The following ZNF628 variants were observed in gnomAD, a reference collection of about 807,000 sequenced individuals.
The protein encoded by ZNF628 is zinc finger protein Zec.
ZNF628 carries 3 observed loss-of-function variants against 2.5 expected under a neutral mutation model. The ratio of observed to expected loss-of-function variants is 1.19; its 90% CI spans 0.54 to 3.07. The LOEUF (loss-of-function observed/expected upper bound fraction) is 3.07, where lower values mean the gene tolerates loss of function less well. Ranked by LOEUF, ZNF628 falls within the 30% of genes most tolerant of loss-of-function variation. ZNF628 has a pLI of 0.03. For missense variants in ZNF628, 1,610 were observed against 1,517.1 expected, an observed-to-expected ratio of 1.06 and a Z score of -1.02; for synonymous variants, 861 against 717.1, an observed-to-expected ratio of 1.20 and a Z score of -3.21.
chr19:55,483,099 T>G lies in ZNF628; in HGVS notation c.1906T>G (p.Tyr636Asp). The stretch of plus-strand genomic sequence containing the variant: ...CGGTCGCGGCTTCGTTATGGCCGCC[T>G]ATCTGCAGCGGCACCTGAGGACGCA... Reference protein sequence around the residue: ...ICGRGFVMAAYLQRHLRTHAP... With the variant: ...ICGRGFVMAADLQRHLRTHAP... Residue 636 changes from tyrosine to aspartate, a missense_variant, in exon 3 of 3, where the codon TAT becomes GAT. Transcript: ENST00000598519. 6.2e-7 allele frequency: 1 copy of G among 1,605,288 alleles called. No homozygotes were observed. Among genetic ancestry groups the G allele is most frequent in the Non-Finnish European group, 8.5e-7 (1 of 1,178,990 alleles).
In ZNF628 at chr19:55,481,520, CCACCGTAG is replaced by C. The variant is rs1568466681; in HGVS notation, c.329_336del (p.His110ArgfsTer169). 6.2e-7 allele frequency: 1 copy of C among 1,612,332 alleles called. No individual in the cohort carries two copies. The highest frequency in any genetic ancestry group is 1.7e-5 in the Admixed American group (1 of 59,886). On this transcript the variant is annotated frameshift_variant, in exon 3 of 3. Coordinates refer to ENST00000598519, the MANE Select transcript of ZNF628 (RefSeq NM_033113.3). LOFTEE classifies it low-confidence loss of function (END_TRUNC). The stretch of plus-strand genomic sequence containing the variant: ...TCAAGCGCTCCTCTCTGCTGCAGAT[CCACCGTAG>C]CGTGCACACCGGCCTGCGGGCCTTC...
chr19:55,483,553 C>T lies in ZNF628; in HGVS notation c.2360C>T (p.Ala787Val), dbSNP rs753354017. ...PGPGGLGVQG[A>V]ASAGASGTGQ... is the part of the protein sequence containing the mutation. ...CCTGGGGGTCTAGGGGTGCAGGGAGCGGCCAGCGCTGGGGCCAGCGGGACA... is the reference window on the plus strand; with the variant it reads ...CCTGGGGGTCTAGGGGTGCAGGGAGTGGCCAGCGCTGGGGCCAGCGGGACA... Residue 787 changes from alanine (A) to valine (V), a missense_variant, in exon 3 of 3, where the codon GCG becomes GTG. By Grantham distance (64) the Ala-to-Val change is moderately conservative. Transcript: ENST00000598519. 1 of 1,588,360 alleles carries T rather than the reference C, an allele frequency of 6.3e-7. No homozygotes were observed. The highest frequency in any genetic ancestry group is 8.6e-7 in the Non-Finnish European group (1 of 1,165,564).
intron 1 of ZNF628, among the ~76,000 whole-genome samples, chr19:55,477,963 CAG>C (rs928285868): frequency 3.9e-5 from 6 of 152,264 alleles, no homozygotes; most frequent in Admixed American, 2.6e-4. Flanking sequence ...CAGAATAAAA[CAG>C]AAAGCACACT....
chr19:55,484,402 GCA>G lies in ZNF628; in HGVS notation c.*32_*33del. The G allele has an allele frequency of 1.4e-6, 2 of 1,426,982 alleles. No individual in the cohort carries two copies. The highest frequency in any genetic ancestry group is 2.9e-5 in the African/African-American group (2 of 69,240). The allele number at this position is 1,426,982 out of a possible 1,614,324, so 88.4% of individuals were successfully genotyped here. ...GAGGCAGTGATTCCCCTCCCGCCCC[GCA>G]CAGAGACCCCGACTCACTGCCAGCC... On this transcript the variant is annotated 3_prime_UTR_variant, in exon 3 of 3. Transcript: ENST00000598519.
chr19:55,483,731 G>C lies in ZNF628; in HGVS notation c.2538G>C (p.Gln846His), dbSNP rs1423581548. 9 of 1,612,602 alleles carry C rather than the reference G, an allele frequency of 5.6e-6. No homozygotes were observed. The South Asian group carries it at 9.9e-5, about 18-fold the overall frequency. The change falls in exon 3 of 3, where the codon CAG becomes CAC. Residue 846 changes from glutamine (Q) to histidine (H), a missense_variant. By Grantham distance (24) the Gln-to-His change is conservative. Transcript: ENST00000598519. ...PAQEVTTVQL[Q>H]PAQEVTTVQL... is the part of the protein sequence containing the mutation. ...AGGAGGTGACCACAGTCCAGCTCCA[G>C]CCAGCACAGGAAGTAACCACGGTCC... is the stretch of plus-strand genomic sequence containing the variant.
chr19:55,476,788 T>C lies in ZNF628; in HGVS notation c.-97T>C, dbSNP rs988671617. The C allele has an allele frequency of 2.4e-5, 3 of 125,200 alleles. No homozygotes were observed. Among genetic ancestry groups the C allele is most frequent in the Non-Finnish European group, 4.9e-5 (3 of 60,784 alleles). The allele number at this position is 125,200 out of a possible 1,614,324, so 7.8% of individuals were successfully genotyped here. A position where few individuals can be genotyped will look rare whatever the true frequency, so the allele number is the denominator to read the frequency against. Reference sequence around the variant, plus strand: ...AAGGTCCTGGGGCTGCCACCCTCGTTCCCCCGATTGGGGCCGCAGGTGAGA... The same window carrying C: ...AAGGTCCTGGGGCTGCCACCCTCGTCCCCCCGATTGGGGCCGCAGGTGAGA... On this transcript the variant is annotated 5_prime_UTR_variant, in exon 1 of 3. Coordinates refer to ENST00000598519, the MANE Select transcript of ZNF628 (RefSeq NM_033113.3).
intron 1 of ZNF628, among the ~76,000 whole-genome samples, chr19:55,478,768 C>G (rs1986624786): frequency 6.6e-6 from 1 of 152,110 alleles, no homozygotes. Context: ...TGGATATGTT[C>G]CGCCTGGAAG....
In ZNF628 at chr19:55,481,695, C is replaced by T. The variant is rs867066950; in HGVS notation, c.502C>T (p.His168Tyr). ...CTCGTCCAGCCTGCGGCGCCACCGCCACGTGCACACCGGCGAGCGGCCCTA... is the reference window on the plus strand; with the variant it reads ...CTCGTCCAGCCTGCGGCGCCACCGCTACGTGCACACCGGCGAGCGGCCCTA... ...KNSSSLRRHR[H>Y]VHTGERPYTC... The change falls in exon 3 of 3, where the codon CAC becomes TAC. Residue 168 changes from histidine to tyrosine, a missense_variant. By Grantham distance (83) the His-to-Tyr change is moderately conservative (BLOSUM62 2). This residue lies in a region of ZNF628 where 166 missense variants were observed against 241.3 expected (regional missense o/e 0.69). Coordinates refer to ENST00000598519, the MANE Select transcript of ZNF628 (RefSeq NM_033113.3). 1 of 1,612,972 alleles carries T rather than the reference C, an allele frequency of 6.2e-7. No individual in the cohort carries two copies. Among genetic ancestry groups the T allele is most frequent in the East Asian group, 2.2e-5 (1 of 44,852 alleles).
rs1986738931 is a variant in ZNF628, at chr19:55,482,250, G to A, written c.1057G>A (p.Ala353Thr). 1.4e-6 allele frequency: 2 copies of A among 1,449,976 alleles called. No individual in the cohort carries two copies. Among genetic ancestry groups the A allele is most frequent in the South Asian group, 1.3e-5 (1 of 74,672 alleles). The allele number at this position is 1,449,976 out of a possible 1,614,324, so 89.8% of individuals were successfully genotyped here. A position where few individuals can be genotyped will look rare whatever the true frequency, so the allele number is the denominator to read the frequency against. The change falls in exon 3 of 3, where the codon GCG becomes ACG. Residue 353 changes from alanine to threonine, a missense_variant. Coordinates refer to ENST00000598519, the MANE Select transcript of ZNF628 (RefSeq NM_033113.3). ...PQPPPPAAAP[A>T]PGFACLPCGK... is the part of the protein sequence containing the mutation. ...GCCCCCTCCTCCCGCCGCCGCCCCCGCGCCTGGCTTTGCCTGTCTGCCCTG... is the reference window on the plus strand; with the variant it reads ...GCCCCCTCCTCCCGCCGCCGCCCCCACGCCTGGCTTTGCCTGTCTGCCCTG...
chr19:55,484,140 A>C lies in ZNF628; in HGVS notation c.2947A>C (p.Thr983Pro), dbSNP rs1245307784. ...CCTCATCATCCGCAGCGCCCCAGCC[A>C]CTGAGCTGCTGGACAGCAGCAACAC... ...KLLIIRSAPATELLDSSNTGG... is the reference protein window; with the variant it reads ...KLLIIRSAPAPELLDSSNTGG... Residue 983 changes from threonine to proline, a missense_variant, in exon 3 of 3, where the codon ACT becomes CCT. Around this residue, in one of 5 missense-constraint regions of ZNF628, gnomAD observed 712 missense variants for 603.6 expected, o/e 1.18. Coordinates refer to ENST00000598519, the MANE Select transcript of ZNF628 (RefSeq NM_033113.3). 6.3e-7 allele frequency: 1 copy of C among 1,586,670 alleles called. No individual in the cohort carries two copies. The highest frequency in any genetic ancestry group is 1.7e-5 in the Admixed American group (1 of 57,264).
chr19:55,482,562 GC>G lies in ZNF628; in HGVS notation c.1371del (p.Glu458SerfsTer184), dbSNP rs1199409228. On this transcript the variant is annotated frameshift_variant, in exon 3 of 3. Coordinates refer to ENST00000598519, the MANE Select transcript of ZNF628 (RefSeq NM_033113.3). LOFTEE classifies it low-confidence loss of function (END_TRUNC). ...TTCTGCGGAGCGGCCCTACAAATGT[GC>G]CGAGTGCGGCAAGTCCTTCAAGGGC... ...PASAERPYKC[A>X]ECGKSFKGSS... 1 of 1,560,572 alleles carries G rather than the reference GC, an allele frequency of 6.4e-7. No individual in the cohort carries two copies. The highest frequency in any genetic ancestry group is 1.7e-5 in the Admixed American group (1 of 57,790).
At position 55,481,277 on chromosome 19, in the gene ZNF628, G is replaced by C; in HGVS notation, c.84G>C (p.Ala28=). 1.9e-6 allele frequency: 3 copies of C among 1,598,352 alleles called. No individual in the cohort carries two copies. Among genetic ancestry groups the C allele is most frequent in the Admixed American group, 1.7e-5 (1 of 57,760 alleles). ...GGGCCGGGGAGAAGCCAGGCCCTGC[G>C]GCCCCTGCCCCGGCGGCCCAGTACG... ...AEGAGEKPGP[A]APAPAAQYEC... is the part of the protein sequence containing the mutation. Residue 28 remains alanine (A), a synonymous_variant, in exon 3 of 3, where the codon GCG becomes GCC. Coordinates refer to ENST00000598519, the MANE Select transcript of ZNF628 (RefSeq NM_033113.3).
chr19:55,482,405 T>C lies in ZNF628; in HGVS notation c.1212T>C (p.His404=). 7.2e-7 allele frequency: 1 copy of C among 1,397,960 alleles called. No individual in the cohort carries two copies. The highest frequency in any genetic ancestry group is 1.5e-5 in the South Asian group (1 of 68,116). 86.6% of individuals were successfully genotyped at this position (1,397,960 alleles called of 1,614,324 possible). A position where few individuals can be genotyped will look rare whatever the true frequency, so the allele number is the denominator to read the frequency against. The change falls in exon 3 of 3, where the codon CAT becomes CAC. Residue 404 remains histidine, a synonymous_variant. Transcript: ENST00000598519. ...SFPQLASLLA[H]QQCHVEEAAA... The stretch of plus-strand genomic sequence containing the variant: ...CGCAGCTGGCCAGCCTCCTGGCGCA[T>C]CAGCAGTGCCACGTGGAAGAGGCCG...
chr19:55,482,530 C>T lies in ZNF628; in HGVS notation c.1337C>T (p.Ala446Val), dbSNP rs559677177. The T allele has an allele frequency of 1.6e-5, 24 of 1,534,634 alleles. No individual in the cohort carries two copies. In the South Asian group the frequency reaches 2.2e-4, roughly 14 times the overall value. Residue 446 changes from alanine (A) to valine (V), a missense_variant, in exon 3 of 3, where the codon GCC becomes GTC. Ala to Val is a moderately conservative substitution (Grantham distance 64). Transcript: ENST00000598519. ...CCCGTCCCGCCGCCACCCCCGTCCG[C>T]CCCCGCTTCTGCGGAGCGGCCCTAC... ...AAPVPPPPPS[A>V]PASAERPYKC...
intron 1 of ZNF628, among the ~76,000 whole-genome samples, chr19:55,477,156 A>G (rs936780643): frequency 4.6e-5 from 7 of 152,160 alleles, no homozygotes; most frequent in African/African-American, 7.2e-5. Context: ...TTAGCTCAAC[A>G]AAAGTGGAGA....
chr19:55,480,172 C>G (rs1226614367), intron 2 of ZNF628, among the ~76,000 whole-genome samples: 2 of 151,534 alleles, frequency 1.3e-5, no homozygotes, highest in African/African-American at 4.8e-5. Context: ...GAGCACCAAG[C>G]TAGAGTGACC....
At position 55,482,001 on chromosome 19, in the gene ZNF628, GCCCCGCCGCCCCCGC is replaced by G; in HGVS notation, c.816_830del (p.Pro273_Pro277del). 8.2e-7 allele frequency: 1 copy of G among 1,218,844 alleles called. No individual in the cohort carries two copies. The highest frequency in any genetic ancestry group is 1.8e-5 in the African/African-American group (1 of 54,120). The allele number at this position is 1,218,844 out of a possible 1,614,324, so 75.5% of individuals were successfully genotyped here. ...GCCCCACAGCCCGCCCGCGCCTCCCGCCCCGCCGCCCCCGCCCCCGCCCGTGGTGCCTGAGCTCTT... is the reference window on the plus strand; with the variant it reads ...GCCCCACAGCCCGCCCGCGCCTCCCGCCCCGCCCGTGGTGCCTGAGCTCTT... On this transcript the variant is annotated inframe_deletion, in exon 3 of 3. Coordinates refer to ENST00000598519, the MANE Select transcript of ZNF628 (RefSeq NM_033113.3).
In ZNF628 at chr19:55,481,537, C is replaced by A; in HGVS notation, c.344C>A (p.Thr115Asn). ...CTGCAGATCCACCGTAGCGTGCACACCGGCCTGCGGGCCTTCATCTGCGGC... is the reference window on the plus strand; with the variant it reads ...CTGCAGATCCACCGTAGCGTGCACAACGGCCTGCGGGCCTTCATCTGCGGC... The part of the protein sequence containing the change: ...SLLQIHRSVH[T>N]GLRAFICGQC... Residue 115 changes from threonine (T) to asparagine (N), a missense_variant, in exon 3 of 3, where the codon ACC (threonine) becomes AAC (asparagine). Physicochemically the swap from Thr to Asn is moderately conservative, Grantham distance 65. Around this residue, in one of 5 missense-constraint regions of ZNF628, gnomAD observed 166 missense variants for 241.3 expected, o/e 0.69. Coordinates refer to ENST00000598519, the MANE Select transcript of ZNF628 (RefSeq NM_033113.3). 6.2e-7 allele frequency: 1 copy of A among 1,613,318 alleles called. No homozygotes were observed. Among genetic ancestry groups the A allele is most frequent in the East Asian group, 2.2e-5 (1 of 44,852 alleles).
At position 55,483,301 on chromosome 19, in the gene ZNF628, G is replaced by T; in HGVS notation, c.2108G>T (p.Gly703Val). The part of the protein sequence containing the change: ...AGGTAQAPSL[G>V]PAAPNSQTFL... ...GGCACGGCCCAGGCCCCGAGCTTGG[G>T]GCCAGCAGCGCCCAACTCTCAGACG... Residue 703 changes from glycine to valine, a missense_variant, in exon 3 of 3, where the codon GGG becomes GTG. Gly to Val is a moderately radical substitution (Grantham distance 109). Coordinates refer to ENST00000598519, the MANE Select transcript of ZNF628 (RefSeq NM_033113.3). 1 of 1,522,438 alleles carries T rather than the reference G, an allele frequency of 6.6e-7. No homozygotes were observed. The allele number at this position is 1,522,438 out of a possible 1,614,324, so 94.3% of individuals were successfully genotyped here.
Sources: gnomAD v4.1 joint callset for allele counts (sites outside exome capture counted in the v4.1 genomes callset) on GRCh38, gnomAD v4.1.1 for gene constraint, gnomAD v4.1.1 regional missense constraint, MANE v1.5 for transcripts, NCBI Gene and HGNC (gene_info 2026-07-23, HGNC 2026-07-21) for gene names.